The following SLC24A4 variants were observed in gnomAD, a reference collection of about 807,000 sequenced individuals.
SLC24A4 encodes sodium/potassium/calcium exchanger 4.
A neutral mutation model predicts 79.0 loss-of-function variants in SLC24A4; 53 were observed. The ratio of observed to expected loss-of-function variants is 0.67; its 90% confidence interval spans 0.54 to 0.84. The LOEUF (loss-of-function observed/expected upper bound fraction) is 0.84. SLC24A4 is among the 40% of genes least tolerant of loss of function. The pLI is 0.00. For missense variants in SLC24A4, 731 were observed against 822.0 expected, an observed-to-expected ratio of 0.89 and a Z score of 1.35; for synonymous variants, 323 against 323.8, an observed-to-expected ratio of 1.00 and a Z score of 0.03.
rs192426443 is a variant in SLC24A4 at position 92,403,007 on chromosome 14, G to A, written c.242-30905G>A. 3.1e-3 allele frequency among the ~76,000 whole-genome samples: 474 copies of A among 152,250 alleles called. 2 individuals are homozygous for A. The highest frequency in any genetic ancestry group is 0.011 in the African/African-American group (454 of 41,564). ...ATGTTTAGCAGAGATCCTCCCAGGT[G>A]GGGACCAGGGACCCAAGGACCCATG... On this transcript the variant is annotated intron_variant, in intron 2 of 16. Transcript: ENST00000532405.
chr14:92,399,854 G>A (rs1031196894), intron 2 of SLC24A4, among the ~76,000 whole-genome samples: 2 of 152,200 alleles, frequency 1.3e-5, no homozygotes, highest in African/African-American at 4.8e-5. Context: ...GAGCATTGGA[G>A]GGTGGGGTTA....
intron 2 of SLC24A4, among the ~76,000 whole-genome samples, chr14:92,337,387 T>C (rs1391649925): frequency 6.6e-6 from 1 of 152,230 alleles, no homozygotes; most frequent in African/African-American, 2.4e-5. Context: ...TAGACTCAGC[T>C]TACAGCGAAT....
chr14:92,423,205 C>T (rs1277200639), intron 2 of SLC24A4, among the ~76,000 whole-genome samples: 1 of 152,122 alleles, frequency 6.6e-6, no homozygotes, highest in Non-Finnish European at 1.5e-5. Flanking sequence ...AGTGCAGTGG[C>T]ACGATCTCGG....
intron 2 of SLC24A4, among the ~76,000 whole-genome samples, chr14:92,371,400 C>G (rs1046917207): frequency 6.6e-6 from 1 of 152,176 alleles, no homozygotes; most frequent in Non-Finnish European, 1.5e-5. Flanking sequence ...TCCCCCTCCC[C>G]TTTTCAACAC....
intron 4 of SLC24A4, among the ~76,000 whole-genome samples, chr14:92,440,422 G>A (rs1198678220): frequency 6.6e-6 from 1 of 152,160 alleles, no homozygotes; most frequent in African/African-American, 2.4e-5. Flanking sequence ...CTGCAGCGAT[G>A]GCGGTTATTA....
intron 14 of SLC24A4, 52 bp from the exon 15 acceptor site, chr14:92,491,613 A>G (rs1895673748): frequency 1.4e-5 from 17 of 1,225,928 alleles, no homozygotes; most frequent in Non-Finnish European, 1.9e-5. Flanking sequence ...GAAAGAATAC[A>G]GGCTTCTGGT....
chr14:92,385,241 T>A (rs1208138623), intron 2 of SLC24A4, among the ~76,000 whole-genome samples: 1 of 152,170 alleles, frequency 6.6e-6, no homozygotes. Flanking sequence ...GCGCGGTGGC[T>A]CATGCCTGTA....
chr14:92,427,411 C>T (rs779949482), intron 2 of SLC24A4, among the ~76,000 whole-genome samples: 1 of 152,244 alleles, frequency 6.6e-6, no homozygotes, highest in Non-Finnish European at 1.5e-5. Context: ...CAGGGCCAGA[C>T]CGTGCAGGGC....
chr14:92,492,897 AG>A, intron 16 of SLC24A4: 1 of 453,888 alleles, frequency 2.2e-6, no homozygotes, highest in Non-Finnish European at 4.4e-6. Context: ...AGGCAGTGGA[AG>A]GAAAGATAGA....
At chr14:92,471,661 A>G (rs1442269626) in intron 12 of SLC24A4, among the ~76,000 whole-genome samples, 1 of 152,156 alleles carries the variant, frequency 6.6e-6, no homozygotes, top group East Asian at 1.9e-4. Context: ...AGCATGGGGA[A>G]TGAACACACT....
intron 2 of SLC24A4, among the ~76,000 whole-genome samples, chr14:92,368,904 G>C (rs1365429042): frequency 6.6e-6 from 1 of 152,162 alleles, no homozygotes; most frequent in African/African-American, 2.4e-5. Flanking sequence ...ACCCATTCCA[G>C]CTCCCTCCCC....
chr14:92,492,189 C>T lies in SLC24A4; in HGVS notation c.1665C>T (p.Ser555=). 1 of 1,614,090 alleles carries T rather than the reference C, an allele frequency of 6.2e-7. No individual in the cohort carries two copies. The highest frequency in any genetic ancestry group is 8.5e-7 in the Non-Finnish European group (1 of 1,179,992). The change falls in exon 16 of 17, where the codon AGC becomes AGT. Residue 555 remains serine, a synonymous_variant. Coordinates refer to ENST00000532405, the MANE Select transcript of SLC24A4 (RefSeq NM_153646.4). The part of the protein sequence containing the change: ...VNYGSTVKIN[S]RGLVYSVVLL... ...TGATTTTCCAGGTGAAGATCAACAG[C>T]CGGGGGCTGGTCTATTCCGTGGTCC...
intron 2 of SLC24A4, among the ~76,000 whole-genome samples, chr14:92,415,062 G>T (rs1290703247): frequency 6.7e-6 from 1 of 150,040 alleles, no homozygotes; most frequent in Non-Finnish European, 1.5e-5. Context: ...ATGGTTGAAA[G>T]GCGACGGTTC....
Position 92,398,209 on chromosome 14 carries a change from G to A in SLC24A4, c.242-35703G>A, listed in dbSNP as rs993625423. On this transcript the variant is annotated intron_variant, in intron 2 of 16. Transcript: ENST00000532405. The surrounding 1 kb of genome is among the most constrained non-coding windows in gnomAD (Gnocchi z 4.1). ...TTGGTTGAAACATGCCCTCATGGTT[G>A]GTAAATTGGTAGTCAGAAGCCATTT... Among the ~76,000 whole-genome samples, 1 of 152,182 alleles carries A rather than the reference G, an allele frequency of 6.6e-6. No homozygotes were observed.
intron 2 of SLC24A4, among the ~76,000 whole-genome samples, chr14:92,361,707 C>T (rs552518333): frequency 2.6e-5 from 4 of 152,170 alleles, no homozygotes; most frequent in South Asian, 2.1e-4. Context: ...TACAGAGTGT[C>T]GGGAACAGAG....
In SLC24A4 at chr14:92,500,458, C is replaced by T. The variant is rs1057073332; in HGVS notation, c.*6830C>T. 6.6e-6 allele frequency: 1 copy of T among 152,190 alleles called. No homozygotes were observed. The highest frequency in any genetic ancestry group is 1.9e-4 in the East Asian group (1 of 5,194). The allele number at this position is 152,190 out of a possible 1,614,324, so 9.4% of individuals were successfully genotyped here. The stretch of plus-strand genomic sequence containing the variant: ...CAATGGAAGAAGAGAGGACTTTTCC[C>T]CTCCTGAAAAATGACTGGAGTGTGA... On this transcript the variant is annotated 3_prime_UTR_variant, in exon 17 of 17. Transcript: ENST00000532405.
In SLC24A4 at chr14:92,331,259, G is replaced by C. The variant is rs151311993; in HGVS notation, c.241+5281G>C. 2.6e-5 allele frequency among the ~76,000 whole-genome samples: 4 copies of C among 152,090 alleles called. No homozygotes were observed. In the East Asian group the frequency reaches 5.8e-4, roughly 22 times the overall value. On this transcript the variant is annotated intron_variant, in intron 2 of 16. Transcript: ENST00000532405. ...CATGGCATCTTGTTTTTAGCTCCTTGCAGGTGCTAATTCTTAATTTTATTT... is the reference window on the plus strand; with the variant it reads ...CATGGCATCTTGTTTTTAGCTCCTTCCAGGTGCTAATTCTTAATTTTATTT...
chr14:92,471,164 AAGCTCT>A (rs1420846386), intron 12 of SLC24A4, among the ~76,000 whole-genome samples: 2 of 152,192 alleles, frequency 1.3e-5, no homozygotes. Flanking sequence ...GGGAATCCTG[AAGCTCT>A]AGCATCAGTA....
chr14:92,406,332 A>G (rs1028734338), intron 2 of SLC24A4, among the ~76,000 whole-genome samples: 3 of 152,266 alleles, frequency 2.0e-5, no homozygotes, highest in African/African-American at 7.2e-5. Context: ...TGCACGGTGC[A>G]CACTCTCTGT....
Sources: gnomAD v4.1 joint callset for allele counts (sites outside exome capture counted in the v4.1 genomes callset) on GRCh38, gnomAD v4.1.1 for gene constraint, Gnocchi (gnomAD v3.1) non-coding constraint, MANE v1.5 for transcripts, NCBI Gene and HGNC (gene_info 2026-07-23, HGNC 2026-07-21) for gene names.